The following ZHX3 variants were observed in gnomAD, a reference collection of about 807,000 sequenced individuals.
The protein encoded by ZHX3 is zinc fingers and homeoboxes 3.
ZHX3 carries 20 observed loss-of-function variants against 64.5 expected under a neutral mutation model. The ratio of observed to expected loss-of-function variants is 0.31; its 90% CI spans 0.22 to 0.45. ZHX3 has a LOEUF of 0.45. Ranked by LOEUF, ZHX3 falls within the 20% of genes least tolerant of loss-of-function variation. The probability of loss-of-function intolerance (pLI) is 1.00; values close to 1 mark genes in which losing one functional copy is unlikely to be tolerated. For synonymous variants in ZHX3, 423 were observed against 461.6 expected, an observed-to-expected ratio of 0.92 and a Z score of 1.07; for missense variants, 1,041 against 1,195.8, an observed-to-expected ratio of 0.87 and a Z score of 1.91.
At chr20:41,229,408 G>A (rs1031795444) in intron 2 of ZHX3, among the ~76,000 whole-genome samples, 1 of 151,978 alleles carries the variant, frequency 6.6e-6, no homozygotes, top group African/African-American at 2.4e-5. Context: ...ACTCTTCTGG[G>A]TAACTACCCA....
chr20:41,242,180 G>A (rs1030407173), intron 2 of ZHX3, among the ~76,000 whole-genome samples: 3 of 152,192 alleles, frequency 2.0e-5, no homozygotes, highest in African/African-American at 7.2e-5. Flanking sequence ...GTCAGGCACT[G>A]TGCTTTACAT....
intron 2 of ZHX3, among the ~76,000 whole-genome samples, chr20:41,237,727 T>C (rs568268491): frequency 6.6e-6 from 1 of 152,318 alleles, no homozygotes. Flanking sequence ...ACCTGCACGT[T>C]GTGCACATGT....
chr20:41,264,030 CTAAA>C (rs1280461677), intron 2 of ZHX3, among the ~76,000 whole-genome samples: 1 of 152,050 alleles, frequency 6.6e-6, no homozygotes, highest in East Asian at 1.9e-4. Flanking sequence ...TTGGATAAAA[CTAAA>C]TAGATGAGTT....
intron 2 of ZHX3, among the ~76,000 whole-genome samples, chr20:41,210,079 A>T (rs1014589336): frequency 5.9e-5 from 9 of 152,258 alleles, no homozygotes; most frequent in Admixed American, 2.6e-4. Context: ...TTATGCAGCC[A>T]AAAGACACAT....
intron 1 of ZHX3, among the ~76,000 whole-genome samples, chr20:41,313,593 C>CTTTT (rs58599783): frequency 4.0e-4 from 42 of 103,770 alleles, no homozygotes; most frequent in African/African-American, 4.7e-4. Flanking sequence ...ACTTTTAGGC[C>CTTTT]TTTTTTTTTT....
chr20:41,289,766 G>A (rs1173661702), intron 1 of ZHX3, among the ~76,000 whole-genome samples: 2 of 150,070 alleles, frequency 1.3e-5, no homozygotes, highest in South Asian at 2.1e-4. Context: ...AAATGCCACC[G>A]AGAAATGATC....
intron 2 of ZHX3, among the ~76,000 whole-genome samples, chr20:41,205,924 C>T (rs2038673431): frequency 6.6e-6 from 1 of 152,228 alleles, no homozygotes; most frequent in Non-Finnish European, 1.5e-5. Context: ...CCTCATACAG[C>T]TGGGTGCCCC....
At chr20:41,249,587 A>T (rs537976539) in intron 2 of ZHX3, among the ~76,000 whole-genome samples, 138 of 152,298 alleles carry the variant, frequency 9.1e-4, no homozygotes, top group African/African-American at 3.2e-3. Flanking sequence ...CCTTTCAGAT[A>T]TCAAGGTCGT....
Position 41,218,186 on chromosome 20 carries a change from G to A in ZHX3, c.-150-13120C>T, listed in dbSNP as rs1406076103. ...GAGGCTGGACCAGTGGCTCATACCTGCAATCCCAGCACTTTGGGAGGCCAA... is the reference window on the plus strand; with the variant it reads ...GAGGCTGGACCAGTGGCTCATACCTACAATCCCAGCACTTTGGGAGGCCAA... On this transcript the variant is annotated intron_variant, in intron 2 of 3. Coordinates refer to ENST00000683867, the MANE Select transcript of ZHX3 (RefSeq NM_001384317.1). 2.7e-5 allele frequency among the ~76,000 whole-genome samples: 4 copies of A among 150,862 alleles called. No individual in the cohort carries two copies. In the East Asian group the frequency reaches 7.9e-4, roughly 30 times the overall value.
At chr20:41,237,735 T>C (rs1181534396) in intron 2 of ZHX3, among the ~76,000 whole-genome samples, 3 of 152,172 alleles carry the variant, frequency 2.0e-5, no homozygotes, top group Non-Finnish European at 4.4e-5. Context: ...GTTGTGCACA[T>C]GTACCCTAAA....
At position 41,222,208 on chromosome 20, in the gene ZHX3, G is replaced by C. The variant is rs142477629; in HGVS notation, c.-150-17142C>G. Among the ~76,000 whole-genome samples, 193 of 152,330 alleles carry C rather than the reference G, an allele frequency of 1.3e-3. 2 individuals are homozygous for C. The highest frequency in any genetic ancestry group is 0.012 in the South Asian group (58 of 4,824). On this transcript the variant is annotated intron_variant, in intron 2 of 3. Coordinates refer to ENST00000683867, the MANE Select transcript of ZHX3 (RefSeq NM_001384317.1). ...AGTGGCTGGATTCTGGATATGTTTTGAAAGTAAAGCCGAAAAGACTTCCTA... is the reference window on the plus strand; with the variant it reads ...AGTGGCTGGATTCTGGATATGTTTTCAAAGTAAAGCCGAAAAGACTTCCTA...
intron 1 of ZHX3, among the ~76,000 whole-genome samples, chr20:41,307,910 G>A (rs1408639208): frequency 6.6e-6 from 1 of 152,096 alleles, no homozygotes; most frequent in Non-Finnish European, 1.5e-5. Flanking sequence ...AATGCACCTC[G>A]ACTTTTTAAA....
chr20:41,205,903 G>T (rs1459165602), intron 2 of ZHX3, among the ~76,000 whole-genome samples: 1 of 152,198 alleles, frequency 6.6e-6, no homozygotes, highest in Admixed American at 6.5e-5. Context: ...CCCAGTAGGG[G>T]CCGACTGACA....
At chr20:41,265,481 C>T (rs949055240) in intron 2 of ZHX3, among the ~76,000 whole-genome samples, 1 of 152,132 alleles carries the variant, frequency 6.6e-6, no homozygotes, top group African/African-American at 2.4e-5. Context: ...GGATGACAGG[C>T]GTGAGCCACC....
chr20:41,178,739 G>A lies in ZHX3; in HGVS notation c.*6452C>T, dbSNP rs1360125877. 5 of 152,478 alleles carry A rather than the reference G, an allele frequency of 3.3e-5. No individual in the cohort carries two copies. Among genetic ancestry groups the A allele is most frequent in the African/African-American group, 9.7e-5 (4 of 41,390 alleles). The allele number at this position is 152,478 out of a possible 1,614,324, so 9.4% of individuals were successfully genotyped here. The stretch of plus-strand genomic sequence containing the variant: ...TTTTTTTGTTAAAACGTTTACCCAG[G>A]GTAAAGAATTCCCATTCTACCCAAG... On this transcript the variant is annotated 3_prime_UTR_variant, in exon 4 of 4. Transcript: ENST00000683867.
intron 3 of ZHX3, among the ~76,000 whole-genome samples, chr20:41,198,841 TATA>T (rs1214795320): frequency 2.0e-5 from 3 of 152,168 alleles, no homozygotes; most frequent in Non-Finnish European, 4.4e-5. Context: ...TACTAATGAA[TATA>T]ATAACTATAT....
At chr20:41,294,382 G>A (rs934269550) in intron 1 of ZHX3, among the ~76,000 whole-genome samples, 3 of 152,114 alleles carry the variant, frequency 2.0e-5, no homozygotes, top group African/African-American at 4.8e-5. Context: ...GCTGTTTTGA[G>A]ATGGAGTCCC....
At chr20:41,266,477 A>G (rs767291496) in intron 2 of ZHX3, among the ~76,000 whole-genome samples, 1 of 151,770 alleles carries the variant, frequency 6.6e-6, no homozygotes. Flanking sequence ...TATCCTGACC[A>G]TAATATTCTT....
At chr20:41,292,736 T>C (rs1016219685) in intron 1 of ZHX3, among the ~76,000 whole-genome samples, 3 of 152,254 alleles carry the variant, frequency 2.0e-5, no homozygotes, top group Non-Finnish European at 4.4e-5. Flanking sequence ...ATTTTATCAG[T>C]AACACTGTAC....
Sources: allele counts gnomAD v4.1 joint callset (sites outside exome capture counted in the v4.1 genomes callset), GRCh38; gene constraint gnomAD v4.1.1; transcripts MANE v1.5; gene names NCBI Gene and HGNC (gene_info 2026-07-23, HGNC 2026-07-21).